The following OPTN variants were observed in gnomAD, a reference collection of about 807,000 sequenced individuals.
OPTN encodes E3-14.7K-interacting protein.
In OPTN, 54 loss-of-function variants were observed where a neutral mutation model predicts 70.4. The observed-to-expected ratio is 0.77, with a 90% confidence interval of 0.62 to 0.96. OPTN has a LOEUF of 0.96. OPTN is among the 40% of genes least tolerant of loss of function. The pLI, the probability that OPTN is intolerant of heterozygous loss-of-function variation, is 0.00. For missense variants in OPTN, 624 were observed against 673.2 expected, an observed-to-expected ratio of 0.93 and a Z score of 0.81; for synonymous variants, 256 against 248.5, an observed-to-expected ratio of 1.03 and a Z score of -0.28.
chr10:13,125,902 G>A lies in OPTN; in HGVS notation c.1149-44G>A, dbSNP rs773290145. On this transcript the variant is annotated intron_variant, in intron 10 of 14. Transcript: ENST00000378747. Reference sequence around the variant, plus strand: ...GGGAGGCAAGACTATAAGTTTCTATGATATTTTCCCCAGGATTCCATTTTT... The same window carrying A: ...GGGAGGCAAGACTATAAGTTTCTATAATATTTTCCCCAGGATTCCATTTTT... The A allele has an allele frequency of 2.9e-6, 4 of 1,397,168 alleles. No individual in the cohort carries two copies. The South Asian group carries it at 4.7e-5, about 16-fold the overall frequency. 86.5% of individuals were successfully genotyped at this position (1,397,168 alleles called of 1,614,324 possible). A position where few individuals can be genotyped will look rare whatever the true frequency, so the allele number is the denominator to read the frequency against.
intron 5 of OPTN, among the ~76,000 whole-genome samples, chr10:13,113,180 C>A (rs969474991): frequency 6.6e-6 from 1 of 152,112 alleles, no homozygotes; most frequent in African/African-American, 2.4e-5. Context: ...TGCCATCACA[C>A]CCGGCTAACT....
intron 1 of OPTN, chr10:13,104,687 A>G: frequency 2.9e-6 from 2 of 691,116 alleles, no homozygotes; most frequent in South Asian, 2.7e-5. Context: ...CACAAGATTC[A>G]TAAAGGGATC....
chr10:13,135,414 A>C (rs996749960), intron 14 of OPTN, among the ~76,000 whole-genome samples: 21 of 149,858 alleles, frequency 1.4e-4, no homozygotes, highest in African/African-American at 4.4e-4. Flanking sequence ...TATGTAGATA[A>C]CTCCTGTTCA....
chr10:13,104,550 T>C, intron 1 of OPTN: 1 of 573,320 alleles, frequency 1.7e-6, no homozygotes, highest in South Asian at 1.7e-5. Flanking sequence ...CATGGGTTTC[T>C]CTGCTGAACA....
chr10:13,103,241 C>A (rs141463405), intron 1 of OPTN, among the ~76,000 whole-genome samples: 9 of 152,282 alleles, frequency 5.9e-5, no homozygotes, highest in Non-Finnish European at 1.2e-4. Context: ...AATCTTACCC[C>A]CCTTGTGAAC....
intron 5 of OPTN, among the ~76,000 whole-genome samples, chr10:13,114,804 A>ATATATAATTATATAATTATATATACG (rs1833099624): frequency 1.4e-5 from 1 of 73,162 alleles, no homozygotes; most frequent in African/African-American, 6.0e-5. Context: ...TTATATATAC[A>ATATATAATTATATAATTATATATACG]TATATATAAT....
chr10:13,133,482 G>A lies in OPTN; in HGVS notation c.1533-20G>A, dbSNP rs1224939538. ...GGGGTTGTAGAACATCACACAGCGT[G>A]TTGCTTTTCGTCCTGGCAGGCAGTC... On this transcript the variant is annotated intron_variant, in intron 13 of 14. Coordinates refer to ENST00000378747, the MANE Select transcript of OPTN (RefSeq NM_001008212.2). 4 of 1,611,958 alleles carry A rather than the reference G, an allele frequency of 2.5e-6. No individual in the cohort carries two copies. Among genetic ancestry groups the A allele is most frequent in the African/African-American group, 1.3e-5 (1 of 74,848 alleles).
intron 12 of OPTN, chr10:13,131,664 T>C (rs1833595591): frequency 5.6e-6 from 1 of 179,548 alleles, no homozygotes; most frequent in Admixed American, 5.5e-5. Context: ...GTGATGATTA[T>C]TCTTTTAAAT....
At chr10:13,112,685 T>C in intron 5 of OPTN, 50 bp downstream of exon 5, 1 of 1,556,964 alleles carries the variant, frequency 6.4e-7, no homozygotes, top group Non-Finnish European at 8.9e-7. Context: ...AAGCCTCCCC[T>C]GGAAAGATGA....
chr10:13,113,604 G>A (rs1011065037), intron 5 of OPTN, among the ~76,000 whole-genome samples: 5 of 152,172 alleles, frequency 3.3e-5, no homozygotes, highest in African/African-American at 9.7e-5. Flanking sequence ...CTGGGCATAG[G>A]GGCAGCCCTA....
intron 7 of OPTN, among the ~76,000 whole-genome samples, chr10:13,120,224 G>C (rs573774940): frequency 8.6e-4 from 131 of 151,594 alleles, no homozygotes; most frequent in African/African-American, 3.0e-3. Context: ...TCCTGACCTC[G>C]TGATCTGCCC....
At position 13,111,482 on chromosome 10, in the gene OPTN, G is replaced by A. The variant is rs975857049; in HGVS notation, c.370-971G>A. ...GGAGGCTAGGGTGGGCAGATCACCT[G>A]AGGTGAGGAGTTCGAGACCAGCCTG... On this transcript the variant is annotated intron_variant, in intron 4 of 14. Transcript: ENST00000378747. Among the ~76,000 whole-genome samples the A allele has an allele frequency of 1.1e-4, 16 of 152,258 alleles. No individual in the cohort carries two copies. The East Asian group carries it at 2.9e-3, about 28-fold the overall frequency.
At chr10:13,123,230 G>A (rs1481084942) in intron 8 of OPTN, 1 of 152,888 alleles carries the variant, frequency 6.5e-6, no homozygotes, top group Non-Finnish European at 1.5e-5. Flanking sequence ...GTGTTGTCTG[G>A]TAATTGAGAG....
chr10:13,125,481 T>C lies in OPTN; in HGVS notation c.1062T>C (p.Leu354=). The C allele has an allele frequency of 6.2e-7, 1 of 1,614,154 alleles. No homozygotes were observed. Among genetic ancestry groups the C allele is most frequent in the Non-Finnish European group, 8.5e-7 (1 of 1,180,010 alleles). ...CAGAGTTGAATGAAAAGCAAGAGCT[T>C]GTTTATACTAACAAAAAGTTAGAGC... ...IPSELNEKQE[L]VYTNKKLELQ... Residue 354 remains leucine (L), a synonymous_variant, in exon 10 of 15, where the codon CTT becomes CTC. Coordinates refer to ENST00000378747, the MANE Select transcript of OPTN (RefSeq NM_001008212.2).
chr10:13,114,296 G>T (rs1302490409), intron 5 of OPTN, among the ~76,000 whole-genome samples: 1 of 152,028 alleles, frequency 6.6e-6, no homozygotes, highest in African/African-American at 2.4e-5. Context: ...ACATTTCAGT[G>T]GCCAAAATCA....
At chr10:13,132,752 AT>A (rs1288285644) in intron 13 of OPTN, among the ~76,000 whole-genome samples, 16 of 152,316 alleles carry the variant, frequency 1.1e-4, no homozygotes, top group African/African-American at 3.8e-4. Flanking sequence ...AGCACTTTAA[AT>A]TCCTGAATAT....
At chr10:13,105,638 G>T (rs982994031) in intron 1 of OPTN, among the ~76,000 whole-genome samples, 1 of 152,178 alleles carries the variant, frequency 6.6e-6, no homozygotes. Context: ...GCCCGGCACC[G>T]TGGCTCAAGC....
intron 13 of OPTN, 87 bp downstream of exon 13, chr10:13,132,284 T>A: frequency 6.6e-7 from 1 of 1,510,698 alleles, no homozygotes; most frequent in African/African-American, 1.4e-5. Flanking sequence ...TGATTTGAAC[T>A]ATAAGAATAG....
chr10:13,114,474 C>A (rs994042584), intron 5 of OPTN, among the ~76,000 whole-genome samples: 3 of 151,894 alleles, frequency 2.0e-5, no homozygotes, highest in Admixed American at 6.6e-5. Flanking sequence ...GATGAAGCTT[C>A]TTCCTTCAGG....
Sources: allele counts gnomAD v4.1 joint callset (sites outside exome capture counted in the v4.1 genomes callset), GRCh38; gene constraint gnomAD v4.1.1; transcripts MANE v1.5; gene names NCBI Gene and HGNC (gene_info 2026-07-23, HGNC 2026-07-21).